Variants in PAK5 observed in about 807,000 individuals in gnomAD.
The protein encoded by PAK5 is serine/threonine-protein kinase PAK 5.
PAK5 carries 16 observed loss-of-function variants against 65.9 expected under a neutral mutation model. That is an observed-to-expected ratio of 0.24 (90% CI 0.16 to 0.37). The LOEUF (loss-of-function observed/expected upper bound fraction) is 0.37, where lower values mean the gene tolerates loss of function less well. PAK5 is among the 10% of genes least tolerant of loss of function. PAK5 has a pLI of 1.00. For missense variants in PAK5, 785 were observed against 903.9 expected (o/e 0.87, Z 1.69); for synonymous variants, 371 against 354.9 (o/e 1.05, Z -0.51).
At chr20:9,719,430 T>C (rs1438193995) in intron 1 of PAK5, among the ~76,000 whole-genome samples, 3 of 152,186 alleles carry the variant, frequency 2.0e-5, no homozygotes, top group Non-Finnish European at 4.4e-5. Flanking sequence ...CAGGAAAATA[T>C]CTGGTTTGAG....
chr20:9,797,393 A>C (rs1600385283), intron 1 of PAK5, among the ~76,000 whole-genome samples: 1 of 151,450 alleles, frequency 6.6e-6, no homozygotes, highest in East Asian at 2.0e-4. Context: ...AACTATCGCA[A>C]GGACAAAAAA....
In PAK5 at chr20:9,629,589, G is replaced by A. The variant is rs541671486; in HGVS notation, c.204+14536C>T. Among the ~76,000 whole-genome samples the A allele has an allele frequency of 1.2e-4, 18 of 152,028 alleles. No homozygotes were observed. In the South Asian group the frequency reaches 2.9e-3, roughly 25 times the overall value. The stretch of plus-strand genomic sequence containing the variant: ...TCCTCCTGCCTTGGCCTCTCAAAGC[G>A]CTGGGATTACAGGTGTGAGCCACCA... On this transcript the variant is annotated intron_variant, in intron 3 of 9. Transcript: ENST00000353224.
At chr20:9,830,015 G>A (rs969626312) in intron 1 of PAK5, among the ~76,000 whole-genome samples, 3 of 152,072 alleles carry the variant, frequency 2.0e-5, no homozygotes, top group African/African-American at 7.2e-5. Context: ...CTGGGCCCAG[G>A]AGCCCCATGA....
chr20:9,821,313 G>A (rs539221721), intron 1 of PAK5, among the ~76,000 whole-genome samples: 3 of 152,076 alleles, frequency 2.0e-5, no homozygotes, highest in South Asian at 2.1e-4. Flanking sequence ...CACAGGAGGC[G>A]GAAGTTGCAG....
chr20:9,540,124 A>G (rs1397470708), intron 9 of PAK5, among the ~76,000 whole-genome samples: 14 of 152,150 alleles, frequency 9.2e-5, no homozygotes, highest in Non-Finnish European at 2.1e-4. Context: ...CTTTATGTAT[A>G]TATTTAGAGA....
chr20:9,640,134 C>T (rs1311501752), intron 3 of PAK5, among the ~76,000 whole-genome samples: 1 of 151,614 alleles, frequency 6.6e-6, no homozygotes, highest in African/African-American at 2.4e-5. Flanking sequence ...TATACATGTG[C>T]CATGTTGGTG....
chr20:9,585,237 T>C (rs996618016), intron 3 of PAK5, among the ~76,000 whole-genome samples: 1 of 152,182 alleles, frequency 6.6e-6, no homozygotes, highest in African/African-American at 2.4e-5. Flanking sequence ...AAATATTCAG[T>C]CTGCTACCAT....
chr20:9,730,660 T>C (rs2048326529), intron 1 of PAK5, among the ~76,000 whole-genome samples: 1 of 152,202 alleles, frequency 6.6e-6, no homozygotes, highest in Admixed American at 6.5e-5. Context: ...GGTGTGTTCT[T>C]ACATGTCATG....
At chr20:9,633,252 A>T (rs1449168471) in intron 3 of PAK5, among the ~76,000 whole-genome samples, 2 of 152,152 alleles carry the variant, frequency 1.3e-5, no homozygotes, top group Non-Finnish European at 2.9e-5. Context: ...CCCACTGGCC[A>T]TGTGAGTCCC....
intron 1 of PAK5, among the ~76,000 whole-genome samples, chr20:9,803,173 A>C (rs569322377): frequency 6.6e-6 from 1 of 152,110 alleles, no homozygotes; most frequent in African/African-American, 2.4e-5. Flanking sequence ...GTAACTCAGA[A>C]CACGGCTAGT....
At chr20:9,621,405 TAAAAA>T (rs33927046) in intron 3 of PAK5, among the ~76,000 whole-genome samples, 2 of 118,136 alleles carry the variant, frequency 1.7e-5, no homozygotes, top group South Asian at 5.2e-4. Flanking sequence ...CAGGACTGAT[TAAAAA>T]AAAAAAAAAA....
intron 1 of PAK5, among the ~76,000 whole-genome samples, chr20:9,735,286 G>A (rs911814040): frequency 6.6e-6 from 1 of 152,086 alleles, no homozygotes; most frequent in South Asian, 2.1e-4. Context: ...CTGGGGTAGG[G>A]GGAAAGTGAG....
At chr20:9,557,767 A>G (rs1484845136) in intron 6 of PAK5, 33 bp from the exon 7 acceptor site, 1 of 1,588,834 alleles carries the variant, frequency 6.3e-7, no homozygotes, top group Non-Finnish European at 8.6e-7. Flanking sequence ...GGAACAAGAC[A>G]GGTTTAAGAA....
At chr20:9,695,812 A>G (rs1410179600) in intron 2 of PAK5, among the ~76,000 whole-genome samples, 1 of 151,948 alleles carries the variant, frequency 6.6e-6, no homozygotes, top group Non-Finnish European at 1.5e-5. Flanking sequence ...AAAAAAAAAA[A>G]TTCAACTTTT....
At chr20:9,549,146 T>C (rs962664827) in intron 7 of PAK5, among the ~76,000 whole-genome samples, 1 of 152,094 alleles carries the variant, frequency 6.6e-6, no homozygotes, top group African/African-American at 2.4e-5. Flanking sequence ...CCACCCCTTG[T>C]AGTCTGGGAT....
At chr20:9,639,519 TTTTTA>T (rs1378655952) in intron 3 of PAK5, among the ~76,000 whole-genome samples, 8 of 152,188 alleles carry the variant, frequency 5.3e-5, no homozygotes, top group African/African-American at 9.7e-5. Context: ...TCCTTGTCTG[TTTTTA>T]TTTTATTTTT....
chr20:9,822,536 T>G (rs776246791), intron 1 of PAK5, among the ~76,000 whole-genome samples: 3 of 152,192 alleles, frequency 2.0e-5, no homozygotes, highest in Non-Finnish European at 4.4e-5. Context: ...GGCTCAATGC[T>G]CTTTTACCCA....
intron 3 of PAK5, among the ~76,000 whole-genome samples, chr20:9,594,174 C>T (rs1348648218): frequency 6.6e-6 from 1 of 152,224 alleles, no homozygotes; most frequent in Non-Finnish European, 1.5e-5. Flanking sequence ...AACTTCTCCT[C>T]CTGCCACTCA....
intron 2 of PAK5, among the ~76,000 whole-genome samples, chr20:9,710,348 G>A (rs1266167004): frequency 2.0e-5 from 3 of 152,138 alleles, no homozygotes; most frequent in Non-Finnish European, 4.4e-5. Context: ...CACCCTCTAA[G>A]TTTCAGAAGC....
Sources: gnomAD v4.1 joint callset for allele counts (sites outside exome capture counted in the v4.1 genomes callset) on GRCh38, gnomAD v4.1.1 for gene constraint, MANE v1.5 for transcripts, NCBI Gene and HGNC (gene_info 2026-07-23, HGNC 2026-07-21) for gene names.